LRRN3: variants seen among roughly 807,000 people sequenced by gnomAD.
The protein encoded by LRRN3 is leucine rich repeat neuronal 3, also known as leucine-rich repeat neuronal protein 3.
Under a neutral mutation model 40.1 loss-of-function variants are expected in LRRN3, and 15 were observed. The observed-to-expected ratio is 0.37, with a 90% CI of 0.25 to 0.58. The LOEUF (loss-of-function observed/expected upper bound fraction) is 0.58, where lower values mean the gene tolerates loss of function less well. Ranked by LOEUF, LRRN3 falls within the 20% of genes least tolerant of loss-of-function variation. The pLI, the probability that LRRN3 is intolerant of heterozygous loss-of-function variation, is 0.72. For missense variants in LRRN3, 746 were observed against 837.7 expected (o/e 0.89, Z 1.35); for synonymous variants, 308 against 297.2 (o/e 1.04, Z -0.37).
At chr7:111,112,630 T>C (rs553625186) in intron 2 of LRRN3, among the ~76,000 whole-genome samples, 2 of 152,314 alleles carry the variant, frequency 1.3e-5, no homozygotes, top group South Asian at 2.1e-4. Context: ...GACACAAATA[T>C]AGCAATGTTG....
chr7:111,096,438 T>A (rs141112682), intron 1 of LRRN3, among the ~76,000 whole-genome samples: 1 of 151,584 alleles, frequency 6.6e-6, no homozygotes, highest in African/African-American at 2.4e-5. Flanking sequence ...TATATCTGGA[T>A]AGATTCTTGC....
chr7:111,125,164 T>C lies in LRRN3; in HGVS notation c.*265T>C, dbSNP rs867820788. The C allele has an allele frequency of 1.7e-5, 6 of 352,866 alleles. No homozygotes were observed. The highest frequency in any genetic ancestry group is 8.9e-5 in the Admixed American group (2 of 22,420). The allele number at this position is 352,866 out of a possible 1,614,324, so 21.9% of individuals were successfully genotyped here. The stretch of plus-strand genomic sequence containing the variant: ...TTCTAAAACTTTCATGTAACTTTTA[T>C]GTCTGGACTACAGTTCAAGTGGACA... On this transcript the variant is annotated 3_prime_UTR_variant, in exon 3 of 3. Coordinates refer to ENST00000308478, the MANE Select transcript of LRRN3 (RefSeq NM_001099658.2).
chr7:111,101,240 C>T (rs1412841793), intron 2 of LRRN3, among the ~76,000 whole-genome samples: 1 of 151,462 alleles, frequency 6.6e-6, no homozygotes, highest in Non-Finnish European at 1.5e-5. Context: ...TTCATTTAGA[C>T]ATTTCATCTC....
chr7:111,101,871 C>T (rs993410094), intron 2 of LRRN3, among the ~76,000 whole-genome samples: 8 of 151,566 alleles, frequency 5.3e-5, no homozygotes, highest in African/African-American at 1.9e-4. Context: ...ACAGTCATTT[C>T]TTGGCAGTCA....
At chr7:111,118,587 C>T (rs115606821) in intron 2 of LRRN3, among the ~76,000 whole-genome samples, 6 of 152,006 alleles carry the variant, frequency 3.9e-5, no homozygotes, top group African/African-American at 1.2e-4. Flanking sequence ...ATGTACCTCA[C>T]CAACCTATCT....
intron 1 of LRRN3, among the ~76,000 whole-genome samples, chr7:111,097,740 A>T (rs1460053524): frequency 1.3e-5 from 2 of 151,872 alleles, no homozygotes; most frequent in Non-Finnish European, 2.9e-5. Context: ...TTTTATCAAA[A>T]CTCAGTCACT....
At chr7:111,094,681 C>A (rs1206649729) in intron 1 of LRRN3, among the ~76,000 whole-genome samples, 4 of 152,138 alleles carry the variant, frequency 2.6e-5, no homozygotes, top group Non-Finnish European at 5.9e-5. Flanking sequence ...AGCTCCTGCA[C>A]AGAGCTCAGG....
chr7:111,122,129 G>A (rs922699110), intron 2 of LRRN3, among the ~76,000 whole-genome samples: 3 of 151,300 alleles, frequency 2.0e-5, no homozygotes, highest in Admixed American at 6.6e-5. Context: ...GTTAAATGAC[G>A]AGTTAATGGG....
intron 1 of LRRN3, chr7:111,097,093 T>C (rs2301733): frequency 0.46 from 69,409 of 151,630 alleles, 17,253 homozygotes; most frequent in Non-Finnish European, 0.58. Context: ...TCACCACTTT[T>C]TGCATGTTTG....
chr7:111,118,898 G>C (rs1800234759), intron 2 of LRRN3, among the ~76,000 whole-genome samples: 1 of 152,068 alleles, frequency 6.6e-6, no homozygotes, highest in African/African-American at 2.4e-5. Context: ...AAAGCTTTCA[G>C]AAGAAATCTA....
At position 111,124,535 on chromosome 7, in the gene LRRN3, AG is replaced by A. The variant is rs1206499461; in HGVS notation, c.1764del (p.Glu588AspfsTer20). 1 of 1,613,734 alleles carries A rather than the reference AG, an allele frequency of 6.2e-7. No individual in the cohort carries two copies. Among genetic ancestry groups the A allele is most frequent in the East Asian group, 2.2e-5 (1 of 44,818 alleles). ...YNLTHLNPST[E>X]YKICIDIPTI... ...CTTACTCATCTGAATCCATCAACTG[AG>A]TATAAAATTTGTATTGATATTCCCA... On this transcript the variant is annotated frameshift_variant, in exon 3 of 3. Transcript: ENST00000308478. LOFTEE classifies it high-confidence loss of function.
At chr7:111,103,919 C>T (rs942558034) in intron 2 of LRRN3, among the ~76,000 whole-genome samples, 2 of 151,492 alleles carry the variant, frequency 1.3e-5, no homozygotes, top group Non-Finnish European at 3.0e-5. Flanking sequence ...TATTGAACAC[C>T]ATTTTGAGAG....
At chr7:111,115,636 A>ATTTTTTATTTT (rs1799793603) in intron 2 of LRRN3, among the ~76,000 whole-genome samples, 1 of 151,568 alleles carries the variant, frequency 6.6e-6, no homozygotes, top group African/African-American at 2.4e-5. Flanking sequence ...GACATTTGCA[A>ATTTTTTATTTT]TTATTTTTTA....
At chr7:111,121,979 C>CA (rs1230947154) in intron 2 of LRRN3, among the ~76,000 whole-genome samples, 2 of 149,270 alleles carry the variant, frequency 1.3e-5, no homozygotes, top group Non-Finnish European at 3.0e-5. Context: ...ATCGCAAGGA[C>CA]AAAAAAACCA....
chr7:111,120,623 T>G (rs998402248), intron 2 of LRRN3, among the ~76,000 whole-genome samples: 8 of 152,100 alleles, frequency 5.3e-5, no homozygotes, highest in Non-Finnish European at 5.9e-5. Context: ...CAGGGAAAAA[T>G]AAAACAGCCA....
rs754122171 is a variant in LRRN3, at chr7:111,123,659, A to G, written c.887A>G (p.Glu296Gly). Residue 296 changes from glutamate (E) to glycine (G), a missense_variant, in exon 3 of 3, where the codon GAG becomes GGG. Physicochemically the swap from Glu to Gly is moderately conservative, Grantham distance 98. Transcript: ENST00000308478. The surrounding 1 kb of genome is among the most constrained non-coding windows in gnomAD (Gnocchi z 6.4). ...GAGTTGGGGATAAATAATATGCCTG[A>G]GCTGATTTCCATCGATAGTCTTGCT... ...LKELGINNMP[E>G]LISIDSLAVD... 11 of 1,613,998 alleles carry G rather than the reference A, an allele frequency of 6.8e-6. No individual in the cohort carries two copies. Among genetic ancestry groups the G allele is most frequent in the Non-Finnish European group, 8.5e-6 (10 of 1,179,972 alleles).
At chr7:111,110,456 A>G (rs748639990) in intron 2 of LRRN3, among the ~76,000 whole-genome samples, 5 of 152,224 alleles carry the variant, frequency 3.3e-5, no homozygotes, top group Non-Finnish European at 7.4e-5. Flanking sequence ...GATCACAAAT[A>G]TAGATTATAT....
In LRRN3 at chr7:111,117,391, T is replaced by G. The variant is rs892286640; in HGVS notation, c.-358-5024T>G. On this transcript the variant is annotated intron_variant, in intron 2 of 2. Coordinates refer to ENST00000308478, the MANE Select transcript of LRRN3 (RefSeq NM_001099658.2). ...GAAAGTGAGGTATCCTGTCCCCAGT[T>G]ACAAAATCATCCAGTAAACCTGGCC... Among the ~76,000 whole-genome samples the G allele has an allele frequency of 2.0e-5, 3 of 152,060 alleles. No homozygotes were observed. The East Asian group carries it at 5.8e-4, about 29-fold the overall frequency.
In LRRN3 at chr7:111,123,415, C is replaced by G; in HGVS notation, c.643C>G (p.Arg215Gly). The change falls in exon 3 of 3, where the codon CGC (arginine) becomes GGC (glycine). Residue 215 changes from arginine (R) to glycine (G), a missense_variant. Coordinates refer to ENST00000308478, the MANE Select transcript of LRRN3 (RefSeq NM_001099658.2). This position sits in a 1 kb window ranked among gnomAD's most constrained non-coding sequence, Gnocchi z 6.4. ...DMNFKPLINL[R>G]SLVIAGINLT... ...GAACTTTAAGCCTCTTATCAATCTTCGCAGCCTGGTTATAGCTGGTATAAA... is the reference window on the plus strand; with the variant it reads ...GAACTTTAAGCCTCTTATCAATCTTGGCAGCCTGGTTATAGCTGGTATAAA... 6.2e-7 allele frequency: 1 copy of G among 1,613,626 alleles called. No homozygotes were observed. Among genetic ancestry groups the G allele is most frequent in the Non-Finnish European group, 8.5e-7 (1 of 1,179,854 alleles).
Sources: gnomAD v4.1 joint callset for allele counts (sites outside exome capture counted in the v4.1 genomes callset) on GRCh38, gnomAD v4.1.1 for gene constraint, Gnocchi (gnomAD v3.1) non-coding constraint, MANE v1.5 for transcripts, NCBI Gene and HGNC (gene_info 2026-07-23, HGNC 2026-07-21) for gene names.